Variants in PDPK1 observed in about 807,000 individuals in gnomAD.
The protein encoded by PDPK1 is 3-phosphoinositide dependent protein kinase 1.
A neutral mutation model predicts 39.8 loss-of-function variants in PDPK1; 7 were observed. The observed-to-expected ratio is 0.18, with a 90% CI of 0.10 to 0.33. The LOEUF (loss-of-function observed/expected upper bound fraction) is 0.33. PDPK1 is among the 10% of genes least tolerant of loss of function. The pLI is 1.00. For synonymous variants in PDPK1, 118 were observed against 159.1 expected (o/e 0.74, Z 1.95); for missense variants, 182 against 384.7 (o/e 0.47, Z 4.41).
In PDPK1 at chr16:2,597,585, A is replaced by T; in HGVS notation, c.1555-66A>T. On this transcript the variant is annotated intron_variant, in intron 13 of 13. Transcript: ENST00000342085. The surrounding 1 kb of genome is among the most constrained non-coding windows in gnomAD (Gnocchi z 6.3). ...CGGAATGGCTGGTCGCAGGCAGCTC[A>T]CCAGGTTGGGGTGGGGGTTTTGGTG... 1 of 1,159,558 alleles carries T rather than the reference A, an allele frequency of 8.6e-7. No individual in the cohort carries two copies. The highest frequency in any genetic ancestry group is 1.3e-6 in the Non-Finnish European group (1 of 766,280). The allele number at this position is 1,159,558 out of a possible 1,614,324, so 71.8% of individuals were successfully genotyped here. A position where few individuals can be genotyped will look rare whatever the true frequency, so the allele number is the denominator to read the frequency against.
intron 10 of PDPK1, 33 bp from the exon 11 acceptor site, chr16:2,586,643 G>A: frequency 6.3e-7 from 1 of 1,580,670 alleles, no homozygotes; most frequent in Non-Finnish European, 8.7e-7. Flanking sequence ...GGCAAGTGAA[G>A]GTGCGGTTCT....
chr16:2,546,478 C>T (rs2066349602), intron 1 of PDPK1, among the ~76,000 whole-genome samples: 1 of 152,278 alleles, frequency 6.6e-6, no homozygotes, highest in East Asian at 1.9e-4. Flanking sequence ...GGATTACAGG[C>T]TCCTGCCACC....
Position 2,538,149 on chromosome 16 carries a change from C to A in PDPK1, c.24+13C>A, listed in dbSNP as rs2066171357. ...CACCAGCCAGCTGGTGAGCGCGCGG[C>A]GGCGGACTGGACGCGCCGGTTTGTT... On this transcript the variant is annotated intron_variant, in intron 1 of 13. Coordinates refer to ENST00000342085, the MANE Select transcript of PDPK1 (RefSeq NM_002613.5). The A allele has an allele frequency of 4.7e-6, 5 of 1,057,626 alleles. No homozygotes were observed. The highest frequency in any genetic ancestry group is 4.4e-5 in the South Asian group (1 of 22,740). 65.5% of individuals were successfully genotyped at this position (1,057,626 alleles called of 1,614,324 possible). A position where few individuals can be genotyped will look rare whatever the true frequency, so the allele number is the denominator to read the frequency against.
chr16:2,587,717 C>G (rs2066906088), intron 11 of PDPK1, among the ~76,000 whole-genome samples: 2 of 152,162 alleles, frequency 1.3e-5, no homozygotes, highest in African/African-American at 4.8e-5. Context: ...CCTGTGTTGG[C>G]CAGGCTGGTG....
Position 2,597,356 on chromosome 16 carries a change from C to A in PDPK1, c.1554+81C>A. On this transcript the variant is annotated intron_variant, in intron 13 of 13. Coordinates refer to ENST00000342085, the MANE Select transcript of PDPK1 (RefSeq NM_002613.5). This position sits in a 1 kb window ranked among gnomAD's most constrained non-coding sequence, Gnocchi z 6.3. ...CGTGGGAAGCAGCCACAGGCCTTGG[C>A]CAGAGGGAGCAGCGGGGATCGGGGC... 3 of 1,283,454 alleles carry A rather than the reference C, an allele frequency of 2.3e-6. No homozygotes were observed. The highest frequency in any genetic ancestry group is 2.8e-5 in the South Asian group (2 of 70,562). The allele number at this position is 1,283,454 out of a possible 1,614,324, so 79.5% of individuals were successfully genotyped here.
chr16:2,585,794 C>T (rs2066860132), intron 10 of PDPK1, among the ~76,000 whole-genome samples: 1 of 152,342 alleles, frequency 6.6e-6, no homozygotes, highest in South Asian at 2.1e-4. Flanking sequence ...GGAGTGTGAA[C>T]ACATGGGGGA....
At position 2,593,797 on chromosome 16, in the gene PDPK1, C is replaced by G. The variant is rs764599082; in HGVS notation, c.1344-1996C>G. On this transcript the variant is annotated intron_variant, in intron 11 of 13. Transcript: ENST00000342085. This position sits in a 1 kb window ranked among gnomAD's most constrained non-coding sequence, Gnocchi z 4.2. ...CCTGTCTGTCAGAGTGGCTTCCTGCCGGCTCTGTGGTCCCTCCAGGCATTT... is the reference window on the plus strand; with the variant it reads ...CCTGTCTGTCAGAGTGGCTTCCTGCGGGCTCTGTGGTCCCTCCAGGCATTT... The G allele has an allele frequency of 2.0e-5, 3 of 152,644 alleles. No homozygotes were observed. The highest frequency in any genetic ancestry group is 4.4e-5 in the Non-Finnish European group (3 of 68,378). The allele number at this position is 152,644 out of a possible 1,614,324, so 9.5% of individuals were successfully genotyped here.
chr16:2,575,943 A>G (rs1461946894), intron 6 of PDPK1: 2 of 135,924 alleles, frequency 1.5e-5, no homozygotes, highest in Non-Finnish European at 3.1e-5. Flanking sequence ...TAGACTTTTT[A>G]ATAATGGCAT....
In PDPK1 at chr16:2,595,809, A is replaced by G. The variant is rs374649760; in HGVS notation, c.1360A>G (p.Asn454Asp). The change falls in exon 12 of 14, where the codon AAT (asparagine) becomes GAT (aspartate). Residue 454 changes from asparagine (N) to aspartate (D), a missense_variant. Asn to Asp is a conservative substitution (Grantham distance 23). Transcript: ENST00000342085. Reference sequence around the variant, plus strand: ...TTTCCACAGGCACCAGTTTGTAGAAAATAATTTAATACTAAAGATGGGCCC... The same window carrying G: ...TTTCCACAGGCACCAGTTTGTAGAAGATAATTTAATACTAAAGATGGGCCC... The part of the protein sequence containing the change: ...GGNPWHQFVE[N>D]NLILKMGPVD... 12 of 1,613,438 alleles carry G rather than the reference A, an allele frequency of 7.4e-6. No individual in the cohort carries two copies. The highest frequency in any genetic ancestry group is 2.2e-5 in the East Asian group (1 of 44,882).
At chr16:2,540,262 C>T (rs961217970) in intron 1 of PDPK1, among the ~76,000 whole-genome samples, 2 of 152,162 alleles carry the variant, frequency 1.3e-5, no homozygotes, top group Non-Finnish European at 2.9e-5. Context: ...GGGAGCAGTG[C>T]GAGCGTGAAG....
chr16:2,540,220 T>C (rs2066219151), intron 1 of PDPK1, among the ~76,000 whole-genome samples: 1 of 152,312 alleles, frequency 6.6e-6, no homozygotes, highest in East Asian at 1.9e-4. Context: ...CAGTGAACTT[T>C]CCCTTGTGTG....
intron 1 of PDPK1, among the ~76,000 whole-genome samples, chr16:2,545,486 A>G (rs573659068): frequency 5.9e-5 from 9 of 151,534 alleles, no homozygotes; most frequent in South Asian, 4.2e-4. Context: ...GGCCTGTGCC[A>G]CCACACCTGG....
chr16:2,552,352 A>G (rs2066430639), intron 1 of PDPK1, among the ~76,000 whole-genome samples: 1 of 151,230 alleles, frequency 6.6e-6, no homozygotes, highest in Non-Finnish European at 1.5e-5. Flanking sequence ...AAGTTCTTAT[A>G]TACATATTTT....
rs1313836175 is a variant in PDPK1, at chr16:2,601,243, G to A, written c.*3476G>A. 2 of 234,200 alleles carry A rather than the reference G, an allele frequency of 8.5e-6. No homozygotes were observed. The highest frequency in any genetic ancestry group is 1.7e-5 in the Non-Finnish European group (2 of 117,892). 14.5% of individuals were successfully genotyped at this position (234,200 alleles called of 1,614,324 possible). ...CCAGTAGCAGAACCACCTTAGTTGT[G>A]TCTTACAGATTCTGAACAAATCGGT... On this transcript the variant is annotated 3_prime_UTR_variant, in exon 14 of 14. Transcript: ENST00000342085.
intron 1 of PDPK1, among the ~76,000 whole-genome samples, chr16:2,546,033 G>T (rs1050564549): frequency 1.3e-5 from 2 of 152,094 alleles, no homozygotes; most frequent in Admixed American, 6.6e-5. Context: ...GTTAGATTAG[G>T]TTCAGGCTAA....
At chr16:2,538,172 G>T in intron 1 of PDPK1, 36 bp downstream of exon 1, 1 of 1,044,830 alleles carries the variant, frequency 9.6e-7, no homozygotes, top group Non-Finnish European at 1.2e-6. Context: ...GCGCCGGTTT[G>T]TTACCCTGCC....
chr16:2,596,951 T>G (rs1178284158), intron 12 of PDPK1, among the ~76,000 whole-genome samples, 172 bp from the exon 13 acceptor site: 1 of 152,086 alleles, frequency 6.6e-6, no homozygotes. Context: ...CCCTGTGACC[T>G]TAGAAACTGG....
intron 12 of PDPK1, among the ~76,000 whole-genome samples, chr16:2,596,910 C>T (rs925598055): frequency 6.6e-6 from 1 of 152,128 alleles, no homozygotes; most frequent in African/African-American, 2.4e-5. Context: ...GCTGTCTGCG[C>T]CATCTCAGCA....
intron 1 of PDPK1, among the ~76,000 whole-genome samples, chr16:2,542,379 A>G (rs1054131840): frequency 6.6e-6 from 1 of 152,108 alleles, no homozygotes; most frequent in African/African-American, 2.4e-5. Context: ...CAGGCTACTC[A>G]AACTTCTGGT....
Sources: allele counts gnomAD v4.1 joint callset (sites outside exome capture counted in the v4.1 genomes callset), GRCh38; gene constraint gnomAD v4.1.1; non-coding constraint Gnocchi (gnomAD v3.1); transcripts MANE v1.5; gene names NCBI Gene and HGNC (gene_info 2026-07-23, HGNC 2026-07-21).